The following DUS2 variants were observed in gnomAD, a reference collection of about 807,000 sequenced individuals.
The protein encoded by DUS2 is tRNA-dihydrouridine(20) synthase [NAD(P)+]-like.
In DUS2, 52 loss-of-function variants were observed where a neutral mutation model predicts 71.3. The observed-to-expected ratio is 0.73, with a 90% CI of 0.58 to 0.92. The LOEUF (loss-of-function observed/expected upper bound fraction) is 0.92. Ranked by LOEUF, DUS2 falls within the 40% of genes least tolerant of loss-of-function variation. The probability of loss-of-function intolerance (pLI) is 0.00; values close to 1 mark genes in which losing one functional copy is unlikely to be tolerated. For missense variants in DUS2, 558 were observed against 622.6 expected, an observed-to-expected ratio of 0.90 and a Z score of 1.10; for synonymous variants, 204 against 227.8, an observed-to-expected ratio of 0.90 and a Z score of 0.94.
At chr16:68,050,195 C>T (rs184738547) in intron 4 of DUS2, among the ~76,000 whole-genome samples, 43 of 151,844 alleles carry the variant, frequency 2.8e-4, no homozygotes, top group East Asian at 5.8e-4. Flanking sequence ...TTGAGTGCAA[C>T]GGCGCGGTCT....
rs770148422 is a variant in DUS2 at position 68,075,387 on chromosome 16, A to G, written c.965A>G (p.Glu322Gly). 16 of 1,612,736 alleles carry G rather than the reference A, an allele frequency of 9.9e-6. No homozygotes were observed. The highest frequency in any genetic ancestry group is 1.4e-5 in the Non-Finnish European group (16 of 1,179,386). The stretch of plus-strand genomic sequence containing the variant: ...TTTGGCCTTGGTGCCTTCTATGAGG[A>G]GACCACACAGGAGCTGGATGCCCAG... ...EAFGLGAFYE[E>G]TTQELDAQQA... The change falls in exon 14 of 17, where the codon GAG becomes GGG. Residue 322 changes from glutamate (E) to glycine (G), a missense_variant. Glu to Gly is a moderately conservative substitution (Grantham distance 98). Coordinates refer to ENST00000565263, the MANE Select transcript of DUS2 (RefSeq NM_017803.5).
chr16:68,078,735 C>G lies in DUS2; in HGVS notation c.1245-14C>G. 1.3e-6 allele frequency: 2 copies of G among 1,597,412 alleles called. No individual in the cohort carries two copies. Among genetic ancestry groups the G allele is most frequent in the East Asian group, 2.2e-5 (1 of 44,462 alleles). On this transcript the variant is annotated splice_polypyrimidine_tract_variant and intron_variant, in intron 16 of 16. Transcript: ENST00000565263. ...GCACCCTGCCCCTCACCTTATTGCC[C>G]TCTGTCTGCTCAGGGACAAGTCCAA...
chr16:68,073,532 C>T lies in DUS2; in HGVS notation c.811-502C>T, dbSNP rs1368528359. Reference sequence around the variant, plus strand: ...TGGCACGATCTTGGCTCACCGCAACCTTCGCCTCCAGGGTTCAAGCGATTC... The same window carrying T: ...TGGCACGATCTTGGCTCACCGCAACTTTCGCCTCCAGGGTTCAAGCGATTC... On this transcript the variant is annotated intron_variant, in intron 12 of 16. Coordinates refer to ENST00000565263, the MANE Select transcript of DUS2 (RefSeq NM_017803.5). 2.6e-5 allele frequency among the ~76,000 whole-genome samples: 4 copies of T among 151,846 alleles called. No individual in the cohort carries two copies. The South Asian group carries it at 6.2e-4, about 24-fold the overall frequency.
chr16:68,076,720 G>A lies in DUS2; in HGVS notation c.1170+1G>A. On this transcript the variant is annotated splice_donor_variant, in intron 15 of 16. Coordinates refer to ENST00000565263, the MANE Select transcript of DUS2 (RefSeq NM_017803.5). LOFTEE classifies it high-confidence loss of function. ...GTTGGCACAGCCTGTGTATGAAACGGTGAGTTCCTGGCTGTGGCCTGCCCT... is the reference window on the plus strand; with the variant it reads ...GTTGGCACAGCCTGTGTATGAAACGATGAGTTCCTGGCTGTGGCCTGCCCT... The A allele has an allele frequency of 6.2e-7, 1 of 1,613,332 alleles. No homozygotes were observed. Among genetic ancestry groups the A allele is most frequent in the Non-Finnish European group, 8.5e-7 (1 of 1,179,412 alleles).
intron 16 of DUS2, 100 bp downstream of exon 16, chr16:68,078,618 T>C: frequency 6.7e-7 from 1 of 1,497,696 alleles, no homozygotes; most frequent in Non-Finnish European, 9.3e-7. Flanking sequence ...GGGTAGATGG[T>C]ATATGTGGGC....
chr16:68,074,788 T>C (rs2034134511), intron 13 of DUS2, among the ~76,000 whole-genome samples: 1 of 152,230 alleles, frequency 6.6e-6, no homozygotes, highest in East Asian at 1.9e-4. Context: ...TTCGTTTGAG[T>C]CTTCCAGCCT....
At chr16:68,040,812 T>C (rs963365813) in intron 3 of DUS2, among the ~76,000 whole-genome samples, 1 of 151,894 alleles carries the variant, frequency 6.6e-6, no homozygotes, top group Non-Finnish European at 1.5e-5. Flanking sequence ...TGCGTGGATG[T>C]TCTTACTGGG....
Position 68,049,618 on chromosome 16 carries a change from C to G in DUS2, c.172+68C>G, listed in dbSNP as rs532592761. On this transcript the variant is annotated intron_variant, in intron 4 of 16. Coordinates refer to ENST00000565263, the MANE Select transcript of DUS2 (RefSeq NM_017803.5). ...GGGCTCAAGCAGCACTACCACTGCC[C>G]TTGCCTGGGGTGACAGTGTCTTGCC... 2.5e-4 allele frequency: 365 copies of G among 1,461,672 alleles called. 1 individual carries two copies. Among genetic ancestry groups the G allele is most frequent in the South Asian group, 1.9e-3 (167 of 87,734 alleles). 90.5% of individuals were successfully genotyped at this position (1,461,672 alleles called of 1,614,324 possible). A position where few individuals can be genotyped will look rare whatever the true frequency, so the allele number is the denominator to read the frequency against.
chr16:68,075,535 T>C, intron 14 of DUS2, 31 bp downstream of exon 14: 1 of 1,598,102 alleles, frequency 6.3e-7, no homozygotes, highest in Non-Finnish European at 8.5e-7. Context: ...CAGCTTGGGC[T>C]AGGGCCAGCA....
intron 1 of DUS2, among the ~76,000 whole-genome samples, chr16:68,024,223 A>G (rs561343699): frequency 2.0e-5 from 3 of 151,748 alleles, no homozygotes; most frequent in African/African-American, 4.9e-5. Flanking sequence ...CTGCCTCCCA[A>G]GTAGCTGAGA....
intron 7 of DUS2, among the ~76,000 whole-genome samples, chr16:68,059,482 AG>A (rs2033909073): frequency 6.6e-6 from 1 of 152,186 alleles, no homozygotes; most frequent in African/African-American, 2.4e-5. Flanking sequence ...AGATGGAGCC[AG>A]GGGGAGTGCT....
chr16:68,040,909 T>C (rs2033617312), intron 3 of DUS2, among the ~76,000 whole-genome samples: 1 of 152,062 alleles, frequency 6.6e-6, no homozygotes, highest in South Asian at 2.1e-4. Flanking sequence ...ACCTCGTGCA[T>C]ATCAAGCATG....
At chr16:68,024,218 TC>T (rs2033307993) in intron 1 of DUS2, among the ~76,000 whole-genome samples, 1 of 150,834 alleles carries the variant, frequency 6.6e-6, no homozygotes, top group Non-Finnish European at 1.5e-5. Context: ...TGCCTCTGCC[TC>T]CCAAGTAGCT....
At chr16:68,030,067 C>T (rs749040076) in intron 2 of DUS2, among the ~76,000 whole-genome samples, 3 of 151,798 alleles carry the variant, frequency 2.0e-5, no homozygotes, top group Non-Finnish European at 4.4e-5. Flanking sequence ...TTTAAGCAAG[C>T]TTTGTCTTTG....
intron 2 of DUS2, chr16:68,027,187 T>C (rs1393798998): frequency 2.0e-5 from 3 of 151,942 alleles, no homozygotes; most frequent in Non-Finnish European, 4.4e-5. Context: ...CTTCTGTGAC[T>C]GAAGCATGGA....
intron 4 of DUS2, among the ~76,000 whole-genome samples, chr16:68,052,124 C>T (rs181955105): frequency 2.0e-5 from 3 of 151,756 alleles, no homozygotes; most frequent in South Asian, 2.1e-4. Context: ...AGGGTGGTCT[C>T]GAACTCCCTA....
chr16:68,066,611 A>G lies in DUS2; in HGVS notation c.529A>G (p.Ile177Val). The G allele has an allele frequency of 1.9e-6, 3 of 1,614,198 alleles. No homozygotes were observed. The highest frequency in any genetic ancestry group is 2.5e-6 in the Non-Finnish European group (3 of 1,180,000). Residue 177 changes from isoleucine (I) to valine (V), a missense_variant, in exon 10 of 17, where the codon ATT (isoleucine) becomes GTT (valine). Ile to Val is a conservative substitution (Grantham distance 29). Coordinates refer to ENST00000565263, the MANE Select transcript of DUS2 (RefSeq NM_017803.5). ...TGTGAAGCGGATAGAGAGGACTGGC[A>G]TTGCTGCCATCGCAGTTCATGGGAG... ...SLVKRIERTG[I>V]AAIAVHGRKR...
intron 2 of DUS2, among the ~76,000 whole-genome samples, chr16:68,034,994 ACT>A (rs907757036): frequency 1.3e-5 from 2 of 151,794 alleles, no homozygotes; most frequent in African/African-American, 2.4e-5. Flanking sequence ...ACAGAGCAAG[ACT>A]CTGTTTAAAA....
At chr16:68,033,977 A>G (rs1353526627) in intron 2 of DUS2, among the ~76,000 whole-genome samples, 1 of 152,082 alleles carries the variant, frequency 6.6e-6, no homozygotes, top group East Asian at 1.9e-4. Flanking sequence ...CATGTTGCCC[A>G]GGCTGATCTT....
Sources: allele counts gnomAD v4.1 joint callset (sites outside exome capture counted in the v4.1 genomes callset), GRCh38; gene constraint gnomAD v4.1.1; transcripts MANE v1.5; gene names NCBI Gene and HGNC (gene_info 2026-07-23, HGNC 2026-07-21).